CNTLN: variants seen among roughly 807,000 people sequenced by gnomAD.
CNTLN encodes the protein centlein, also known as centlein, centrosomal protein.
CNTLN carries 212 observed loss-of-function variants against 180.0 expected under a neutral mutation model. That is an observed-to-expected ratio of 1.18 (90% CI 1.05 to 1.32). CNTLN has a LOEUF of 1.32. Among genes scored for constraint, CNTLN ranks in the 40% most tolerant of loss-of-function variants. CNTLN has a pLI of 0.00. For missense variants in CNTLN, 2,095 were observed against 1,610.9 expected, an observed-to-expected ratio of 1.30 and a Z score of -5.14; for synonymous variants, 722 against 563.1, an observed-to-expected ratio of 1.28 and a Z score of -3.99.
At chr9:17,477,528 G>A (rs533284712) in intron 23 of CNTLN, among the ~76,000 whole-genome samples, 29 of 152,298 alleles carry the variant, frequency 1.9e-4, no homozygotes, top group Non-Finnish European at 2.9e-4. Flanking sequence ...AAATAGCAGC[G>A]TTAGCAGGAG....
chr9:17,495,437 C>A (rs982612293), intron 25 of CNTLN, among the ~76,000 whole-genome samples: 8 of 151,838 alleles, frequency 5.3e-5, no homozygotes, highest in Admixed American at 3.9e-4. Context: ...GTGTTTGTGT[C>A]TTATTCTTTA....
chr9:17,511,281 C>T, the CNTLN span, among the ~76,000 whole-genome samples: 1 of 152,136 alleles, frequency 6.6e-6, no homozygotes, highest in African/African-American at 2.4e-5. Context: ...CACCTCCCAG[C>T]AATTATCATG....
chr9:17,166,879 G>A (rs1368047802), intron 2 of CNTLN: 2 of 458,358 alleles, frequency 4.4e-6, no homozygotes, highest in South Asian at 1.6e-5. Context: ...TAAAAAGTTG[G>A]GATTGAGAAA....
intron 2 of CNTLN, among the ~76,000 whole-genome samples, chr9:17,164,505 C>T (rs1819926419): frequency 9.3e-6 from 1 of 107,958 alleles, no homozygotes; most frequent in South Asian, 3.2e-4. Flanking sequence ...AGCTTTGTTG[C>T]CCAGGCTGGA....
At chr9:17,475,206 A>G (rs990509352) in intron 23 of CNTLN, among the ~76,000 whole-genome samples, 1 of 152,124 alleles carries the variant, frequency 6.6e-6, no homozygotes, top group Non-Finnish European at 1.5e-5. Flanking sequence ...AACAATGGAA[A>G]ACAAAGAAGC....
At chr9:17,443,550 AAAC>A (rs1830230470) in intron 18 of CNTLN, among the ~76,000 whole-genome samples, 1 of 152,344 alleles carries the variant, frequency 6.6e-6, no homozygotes, top group East Asian at 1.9e-4. Context: ...AGGGAAAAAT[AAAC>A]AACAAAGTTA....
intron 2 of CNTLN, among the ~76,000 whole-genome samples, chr9:17,206,240 A>G (rs1360950922): frequency 6.6e-6 from 1 of 152,186 alleles, no homozygotes. Context: ...ACCAAACCAA[A>G]CAGTCTATTT....
intron 10 of CNTLN, among the ~76,000 whole-genome samples, chr9:17,339,450 C>T (rs1189208525): frequency 6.6e-6 from 1 of 152,190 alleles, no homozygotes; most frequent in African/African-American, 2.4e-5. Flanking sequence ...CTTATTTCAT[C>T]AAAATTTAAA....
intron 6 of CNTLN, among the ~76,000 whole-genome samples, chr9:17,294,296 C>A (rs1321894681): frequency 6.6e-6 from 1 of 152,060 alleles, no homozygotes; most frequent in Non-Finnish European, 1.5e-5. Flanking sequence ...TATCTGGCCC[C>A]ACCCACATCC....
At chr9:17,326,519 A>T (rs994285110) in intron 8 of CNTLN, among the ~76,000 whole-genome samples, 3 of 152,074 alleles carry the variant, frequency 2.0e-5, no homozygotes, top group African/African-American at 4.8e-5. Context: ...ATATTTTATT[A>T]CTTATACATA....
At chr9:17,413,149 C>A (rs1827979377) in intron 16 of CNTLN, among the ~76,000 whole-genome samples, 1 of 151,192 alleles carries the variant, frequency 6.6e-6, no homozygotes, top group South Asian at 2.1e-4. Flanking sequence ...GATTTTTGAC[C>A]AAGGTGCAAA....
chr9:17,475,888 A>AG (rs1476139070), intron 23 of CNTLN, among the ~76,000 whole-genome samples: 1 of 151,660 alleles, frequency 6.6e-6, no homozygotes, highest in South Asian at 2.1e-4. Flanking sequence ...AAAAAAAAAA[A>AG]AAGAAGATAG....
At chr9:17,255,095 A>G (rs184781441) in intron 5 of CNTLN, among the ~76,000 whole-genome samples, 3 of 151,904 alleles carry the variant, frequency 2.0e-5, no homozygotes, top group African/African-American at 7.2e-5. Context: ...AGTGTATAGA[A>G]TCTTAAGGTT....
rs894029139 is a variant in CNTLN at position 17,171,371 on chromosome 9, G to A, written c.449+27995G>A. 1.8e-4 allele frequency among the ~76,000 whole-genome samples: 27 copies of A among 151,900 alleles called. 1 individual carries two copies. The highest frequency in any genetic ancestry group is 7.4e-5 in the Non-Finnish European group (5 of 68,018). ...AGTGCTGGCTGGATGAGGTGCCATGGTTCCAAGCTTTGGTGAGGATACAGT... is the reference window on the plus strand; with the variant it reads ...AGTGCTGGCTGGATGAGGTGCCATGATTCCAAGCTTTGGTGAGGATACAGT... On this transcript the variant is annotated intron_variant, in intron 2 of 25. Transcript: ENST00000380647.
At chr9:17,439,157 A>G (rs1480288717) in intron 18 of CNTLN, among the ~76,000 whole-genome samples, 1 of 152,212 alleles carries the variant, frequency 6.6e-6, no homozygotes. Flanking sequence ...AAATATAAAC[A>G]TCTAATAACT....
At chr9:17,269,409 G>C (rs1827772567) in intron 5 of CNTLN, among the ~76,000 whole-genome samples, 1 of 151,846 alleles carries the variant, frequency 6.6e-6, no homozygotes, top group African/African-American at 2.4e-5. Flanking sequence ...CTATAAACTT[G>C]CCTCTTACCA....
chr9:17,347,894 C>G (rs951076386), intron 12 of CNTLN, among the ~76,000 whole-genome samples: 1 of 151,770 alleles, frequency 6.6e-6, no homozygotes, highest in Admixed American at 6.6e-5. Context: ...TGCAGTGGTA[C>G]CATCTTGGCT....
the CNTLN span, among the ~76,000 whole-genome samples, chr9:17,523,509 T>C: frequency 1.3e-5 from 2 of 152,146 alleles, no homozygotes; most frequent in Admixed American, 6.6e-5. Context: ...AGTGCTGGGA[T>C]TACAGGTGTG....
intron 5 of CNTLN, among the ~76,000 whole-genome samples, chr9:17,266,699 T>G (rs1021517683): frequency 6.6e-6 from 1 of 152,192 alleles, no homozygotes; most frequent in Non-Finnish European, 1.5e-5. Context: ...TACTCAGGAC[T>G]TGCTTTATGA....
Sources: gnomAD v4.1 joint callset for allele counts (sites outside exome capture counted in the v4.1 genomes callset) on GRCh38, gnomAD v4.1.1 for gene constraint, MANE v1.5 for transcripts, NCBI Gene and HGNC (gene_info 2026-07-23, HGNC 2026-07-21) for gene names.